BCKDHB: variants seen among roughly 807,000 people sequenced by gnomAD.
The protein encoded by BCKDHB is 2-oxoisovalerate dehydrogenase subunit beta, mitochondrial.
A neutral mutation model predicts 48.5 loss-of-function variants in BCKDHB; 41 were observed. That is an observed-to-expected ratio of 0.85 (90% confidence interval 0.66 to 1.10). The LOEUF (loss-of-function observed/expected upper bound fraction) is 1.10, where lower values mean the gene tolerates loss of function less well. Ranked by LOEUF, BCKDHB falls within the 50% of genes least tolerant of loss-of-function variation. The probability of loss-of-function intolerance (pLI) is 0.00; values close to 1 mark genes in which losing one functional copy is unlikely to be tolerated. For synonymous variants in BCKDHB, 201 were observed against 174.8 expected, an observed-to-expected ratio of 1.15 and a Z score of -1.18; for missense variants, 496 against 494.2, an observed-to-expected ratio of 1.00 and a Z score of -0.03.
chr6:80,219,716 G>T (rs1360972342), intron 8 of BCKDHB, among the ~76,000 whole-genome samples: 7 of 152,130 alleles, frequency 4.6e-5, no homozygotes, highest in Non-Finnish European at 1.0e-4. Flanking sequence ...GGGTGCAGGA[G>T]GTTTTCTGAC....
At chr6:80,384,185 C>A in the BCKDHB span, among the ~76,000 whole-genome samples, 1 of 151,956 alleles carries the variant, frequency 6.6e-6, no homozygotes, top group African/African-American at 2.4e-5. Flanking sequence ...GCAGACTCAT[C>A]CTTAATTGGG....
intron 9 of BCKDHB, among the ~76,000 whole-genome samples, chr6:80,303,329 A>G (rs2127992157): frequency 6.6e-6 from 1 of 152,196 alleles, no homozygotes; most frequent in East Asian, 1.9e-4. Flanking sequence ...TTTTTAATTT[A>G]TTTAACGAGT....
At chr6:80,309,094 G>A (rs1408737427) in intron 9 of BCKDHB, among the ~76,000 whole-genome samples, 4 of 149,922 alleles carry the variant, frequency 2.7e-5, no homozygotes, top group Non-Finnish European at 4.4e-5. Flanking sequence ...ACGGAGTCTC[G>A]CTTTTGCCAA....
chr6:80,401,436 C>T, the BCKDHB span, among the ~76,000 whole-genome samples: 5 of 151,716 alleles, frequency 3.3e-5, no homozygotes, highest in Non-Finnish European at 7.4e-5. Context: ...AAGATATACC[C>T]TCTTAGCAAA....
At chr6:80,403,034 G>A in the BCKDHB span, among the ~76,000 whole-genome samples, 2 of 151,586 alleles carry the variant, frequency 1.3e-5, no homozygotes, top group Non-Finnish European at 3.0e-5. Flanking sequence ...GAATCAGAAA[G>A]TGAGGTGCCT....
At chr6:80,177,388 G>A (rs1398383923) in intron 6 of BCKDHB, among the ~76,000 whole-genome samples, 1 of 151,906 alleles carries the variant, frequency 6.6e-6, no homozygotes, top group Non-Finnish European at 1.5e-5. Flanking sequence ...TTTAAGCCCA[G>A]AAATTTATAA....
rs536240378 is a variant in BCKDHB, at chr6:80,222,839, A to G, written c.951+19627A>G. 5.3e-5 allele frequency among the ~76,000 whole-genome samples: 8 copies of G among 152,330 alleles called. No homozygotes were observed. The South Asian group carries it at 1.7e-3, about 32-fold the overall frequency. ...CATAAACCCATGTATAAAAGCACAT[A>G]CATTTAGTCTATAAGAGTGGCTACT... On this transcript the variant is annotated intron_variant, in intron 8 of 9. Transcript: ENST00000320393.
intron 1 of BCKDHB, among the ~76,000 whole-genome samples, chr6:80,111,305 C>T (rs1769395982): frequency 6.6e-6 from 1 of 152,178 alleles, no homozygotes; most frequent in Non-Finnish European, 1.5e-5. Context: ...TGTTCCTGAA[C>T]AGGGGCAGTG....
the BCKDHB span, among the ~76,000 whole-genome samples, chr6:80,429,835 T>G: frequency 1.3e-5 from 2 of 152,244 alleles, no homozygotes; most frequent in Non-Finnish European, 2.9e-5. Context: ...CTTCCTCTTT[T>G]CCTATTTGAA....
chr6:80,301,413 A>G (rs1245521516), intron 9 of BCKDHB, among the ~76,000 whole-genome samples: 1 of 152,164 alleles, frequency 6.6e-6, no homozygotes, highest in Non-Finnish European at 1.5e-5. Context: ...TGTGCACACA[A>G]ACTAGAAAAT....
At chr6:80,241,172 G>A in intron 8 of BCKDHB, among the ~76,000 whole-genome samples, 1 of 152,154 alleles carries the variant, frequency 6.6e-6, no homozygotes, top group South Asian at 2.1e-4. Flanking sequence ...CAAGGTTTTA[G>A]CTTCCTTGCG....
intron 8 of BCKDHB, among the ~76,000 whole-genome samples, chr6:80,215,501 A>G (rs1405105079): frequency 3.3e-5 from 5 of 152,232 alleles, no homozygotes; most frequent in East Asian, 1.9e-4. Flanking sequence ...TATATCTGCA[A>G]GAGTCCTGAA....
At chr6:80,434,341 CAA>C in the BCKDHB span, among the ~76,000 whole-genome samples, 2 of 151,172 alleles carry the variant, frequency 1.3e-5, no homozygotes, top group Non-Finnish European at 2.9e-5. Context: ...TTTCAGTCTA[CAA>C]AGTAGACTGA....
chr6:80,357,185 G>C, the BCKDHB span, among the ~76,000 whole-genome samples: 1 of 152,164 alleles, frequency 6.6e-6, no homozygotes, highest in Non-Finnish European at 1.5e-5. Flanking sequence ...AACTGGGAAG[G>C]AAGGGTGAGG....
At chr6:80,430,296 T>C in the BCKDHB span, among the ~76,000 whole-genome samples, 80 of 152,346 alleles carry the variant, frequency 5.3e-4, 1 homozygote, top group African/African-American at 1.8e-3. Flanking sequence ...TCTGCGTTGA[T>C]GTTCATTAGG....
intron 1 of BCKDHB, among the ~76,000 whole-genome samples, chr6:80,109,123 A>T (rs1287017208): frequency 6.6e-6 from 1 of 152,178 alleles, no homozygotes; most frequent in Non-Finnish European, 1.5e-5. Context: ...TGACCCCGGA[A>T]TCAGATTGTC....
At chr6:80,315,434 T>C (rs1333600537) in intron 9 of BCKDHB, among the ~76,000 whole-genome samples, 1 of 152,108 alleles carries the variant, frequency 6.6e-6, no homozygotes, top group South Asian at 2.1e-4. Flanking sequence ...ACCATACTTT[T>C]CTTCATTCTC....
downstream of BCKDHB, among the ~76,000 whole-genome samples, chr6:80,348,224 A>G (rs929691345): frequency 1.3e-5 from 2 of 152,020 alleles, no homozygotes; most frequent in Non-Finnish European, 2.9e-5. Flanking sequence ...TTAAAAAAAA[A>G]TGAGGAACAA....
the BCKDHB span, among the ~76,000 whole-genome samples, chr6:80,402,815 T>C: frequency 1.3e-4 from 20 of 151,972 alleles, no homozygotes; most frequent in Admixed American, 1.1e-3. Flanking sequence ...TTTATTTTTT[T>C]GCATGCACAT....
Sources: allele counts gnomAD v4.1 joint callset (sites outside exome capture counted in the v4.1 genomes callset), GRCh38; gene constraint gnomAD v4.1.1; transcripts MANE v1.5; gene names NCBI Gene and HGNC (gene_info 2026-07-23, HGNC 2026-07-21).